STK10: variants seen among roughly 807,000 people sequenced by gnomAD.
STK10 encodes the protein serine/threonine-protein kinase 10.
A neutral mutation model predicts 113.8 loss-of-function variants in STK10; 78 were observed. That is an observed-to-expected ratio of 0.69 (90% confidence interval 0.57 to 0.83). STK10 has a LOEUF of 0.83. Ranked by LOEUF, STK10 falls within the 40% of genes least tolerant of loss-of-function variation. The probability of loss-of-function intolerance (pLI) is 0.00; values close to 1 mark genes in which losing one functional copy is unlikely to be tolerated. For synonymous variants in STK10, 465 were observed against 494.7 expected (o/e 0.94, Z 0.80); for missense variants, 1,109 against 1,280.1 (o/e 0.87, Z 2.04).
At chr5:172,088,431 A>G (rs1275721135) in intron 10 of STK10, among the ~76,000 whole-genome samples, 3 of 152,044 alleles carry the variant, frequency 2.0e-5, no homozygotes, top group South Asian at 2.1e-4. Flanking sequence ...GGCTGAGGCA[A>G]GAGAATCGCT....
chr5:172,063,256 GA>G (rs925928207), intron 13 of STK10, among the ~76,000 whole-genome samples: 44 of 132,568 alleles, frequency 3.3e-4, no homozygotes, highest in Middle Eastern at 3.9e-3. Flanking sequence ...TCTCAAAAAA[GA>G]AAAAAAAAAA....
chr5:172,057,414 C>CCAGCTGGTGCCTCTCCTG lies in STK10; in HGVS notation c.2254_2271dup (p.Gln752_Leu757dup). 1.3e-6 allele frequency: 2 copies of CCAGCTGGTGCCTCTCCTG among 1,552,702 alleles called. No individual in the cohort carries two copies. The highest frequency in any genetic ancestry group is 1.7e-6 in the Non-Finnish European group (2 of 1,148,332). On this transcript the variant is annotated inframe_insertion, in exon 15 of 19. Transcript: ENST00000176763. Reference sequence around the variant, plus strand: ...TACTGGTCTTTGAGCTGCTGCTTCACCAGCTGGTGCCTCTCCTGCAGCTGG... The same window carrying CCAGCTGGTGCCTCTCCTG: ...TACTGGTCTTTGAGCTGCTGCTTCACCAGCTGGTGCCTCTCCTGCAGCTGGTGCCTCTCCTGCAGCTGG...
intron 16 of STK10, among the ~76,000 whole-genome samples, chr5:172,055,163 C>G (rs4072771): frequency 9.0e-6 from 1 of 111,722 alleles, no homozygotes; most frequent in Admixed American, 1.0e-4. Context: ...CGCACACCCC[C>G]TCCCAAGACC....
At chr5:172,058,123 G>A (rs1158221239) in intron 14 of STK10, among the ~76,000 whole-genome samples, 2 of 152,238 alleles carry the variant, frequency 1.3e-5, no homozygotes, top group African/African-American at 2.4e-5. Flanking sequence ...TGGGGTCAAA[G>A]GGAGAATCTC....
At chr5:172,140,045 G>C (rs1460742919) in intron 2 of STK10, among the ~76,000 whole-genome samples, 1 of 151,966 alleles carries the variant, frequency 6.6e-6, no homozygotes, top group African/African-American at 2.4e-5. Flanking sequence ...TTTAACAGGG[G>C]TTAATCTCCA....
intron 12 of STK10, among the ~76,000 whole-genome samples, chr5:172,069,122 A>T (rs1194574473): frequency 6.6e-6 from 1 of 152,062 alleles, no homozygotes; most frequent in Non-Finnish European, 1.5e-5. Context: ...AAAATATTCA[A>T]ATACTTCAAA....
chr5:172,183,934 AAG>A (rs1401674173), intron 1 of STK10, among the ~76,000 whole-genome samples: 3 of 152,130 alleles, frequency 2.0e-5, no homozygotes, highest in African/African-American at 7.2e-5. Flanking sequence ...GGAGGAAAAA[AAG>A]AGGTTTGATA....
At chr5:172,128,181 T>C (rs1581169423) in intron 2 of STK10, among the ~76,000 whole-genome samples, 1 of 120,212 alleles carries the variant, frequency 8.3e-6, no homozygotes, top group African/African-American at 3.3e-5. Flanking sequence ...CCCGCTGCAC[T>C]CCAGCCTGGG....
At chr5:172,122,807 T>C (rs1426362557) in intron 3 of STK10, among the ~76,000 whole-genome samples, 2 of 152,156 alleles carry the variant, frequency 1.3e-5, no homozygotes, top group African/African-American at 2.4e-5. Flanking sequence ...GTATTTTCAG[T>C]AGAGACGAGG....
At chr5:172,174,495 G>A (rs1770719142) in intron 1 of STK10, among the ~76,000 whole-genome samples, 1 of 152,052 alleles carries the variant, frequency 6.6e-6, no homozygotes, top group Non-Finnish European at 1.5e-5. Flanking sequence ...GTTATGAACT[G>A]AACATCTACC....
At chr5:172,127,339 G>GAC in intron 3 of STK10, 34 bp downstream of exon 3, 2 of 1,613,198 alleles carry the variant, frequency 1.2e-6, no homozygotes, top group Admixed American at 1.7e-5. Context: ...GAGTCGTCTG[G>GAC]TCCCGACAAT....
chr5:172,051,991 G>C (rs902519633), intron 18 of STK10, among the ~76,000 whole-genome samples: 5 of 152,152 alleles, frequency 3.3e-5, no homozygotes, highest in African/African-American at 1.2e-4. Context: ...AGTATGGCAG[G>C]CACCATTCAA....
At chr5:172,078,625 A>C (rs1768362258) in intron 12 of STK10, among the ~76,000 whole-genome samples, 1 of 70,104 alleles carries the variant, frequency 1.4e-5, no homozygotes, top group Non-Finnish European at 2.7e-5. Context: ...TCATTAAAAA[A>C]AAAAAAAAAA....
At chr5:172,158,718 G>A (rs891454936) in intron 1 of STK10, among the ~76,000 whole-genome samples, 3 of 152,102 alleles carry the variant, frequency 2.0e-5, no homozygotes, top group Non-Finnish European at 2.9e-5. Flanking sequence ...GGAACAAAAA[G>A]GAAGGCAATT....
chr5:172,065,428 T>C (rs564641942), intron 12 of STK10, among the ~76,000 whole-genome samples: 87 of 152,220 alleles, frequency 5.7e-4, no homozygotes, highest in Non-Finnish European at 1.0e-3. Flanking sequence ...TTTCACCATG[T>C]TGGCCAGGCT....
chr5:172,187,846 C>G lies in STK10; in HGVS notation c.156+41G>C. 6.2e-7 allele frequency: 1 copy of G among 1,602,874 alleles called. No homozygotes were observed. Among genetic ancestry groups the G allele is most frequent in the Non-Finnish European group, 8.5e-7 (1 of 1,175,226 alleles). On this transcript the variant is annotated intron_variant, in intron 1 of 18. Coordinates refer to ENST00000176763, the MANE Select transcript of STK10 (RefSeq NM_005990.4). This position sits in a 1 kb window ranked among gnomAD's most constrained non-coding sequence, Gnocchi z 4.6. ...GCTCAGGCATCCCTTCCTTCCGGAG[C>G]CCCTCGACGCGCGTCCGGCCACCCA...
intron 12 of STK10, among the ~76,000 whole-genome samples, chr5:172,073,496 G>T (rs964633098): frequency 3.3e-5 from 5 of 150,940 alleles, no homozygotes; most frequent in Admixed American, 2.0e-4. Flanking sequence ...CAGGGTTTCA[G>T]TATGTTGCCC....
intron 1 of STK10, among the ~76,000 whole-genome samples, chr5:172,174,261 T>C (rs566041753): frequency 3.1e-3 from 466 of 152,268 alleles, no homozygotes; most frequent in Non-Finnish European, 5.2e-3. Flanking sequence ...AACCTCCGCC[T>C]TTCGGGTTCA....
chr5:172,180,391 G>T (rs1317216662), intron 1 of STK10, among the ~76,000 whole-genome samples: 1 of 152,196 alleles, frequency 6.6e-6, no homozygotes, highest in African/African-American at 2.4e-5. Flanking sequence ...CTTGAACCTG[G>T]GAGGCGGAGG....
Sources: allele counts gnomAD v4.1 joint callset (sites outside exome capture counted in the v4.1 genomes callset), GRCh38; gene constraint gnomAD v4.1.1; non-coding constraint Gnocchi (gnomAD v3.1); transcripts MANE v1.5; gene names NCBI Gene and HGNC (gene_info 2026-07-23, HGNC 2026-07-21).